Variants in ARHGAP28 observed in about 807,000 individuals in gnomAD.
ARHGAP28 encodes the protein rho GTPase-activating protein 28.
ARHGAP28 carries 56 observed loss-of-function variants against 90.7 expected under a neutral mutation model. The ratio of observed to expected loss-of-function variants is 0.62; its 90% CI spans 0.50 to 0.77. ARHGAP28 has a LOEUF of 0.77. Among genes scored for constraint, ARHGAP28 ranks in the 30% least tolerant of loss-of-function variants. The pLI, the probability that ARHGAP28 is intolerant of heterozygous loss-of-function variation, is 0.00. For synonymous variants in ARHGAP28, 308 were observed against 323.3 expected (o/e 0.95, Z 0.51); for missense variants, 869 against 900.9 (o/e 0.96, Z 0.45).
chr18:6,772,694 TTGACAG>T lies in ARHGAP28; in HGVS notation c.122+42753_122+42758del, dbSNP rs559860914. Among the ~76,000 whole-genome samples the T allele has an allele frequency of 7.9e-5, 12 of 152,280 alleles. No individual in the cohort carries two copies. In the East Asian group the frequency reaches 2.3e-3, roughly 29 times the overall value. The stretch of plus-strand genomic sequence containing the variant: ...TTTATTCAATGCATTTTTGACTTAT[TTGACAG>T]TATTTTCAATTTGTGATGGGTTTTA... On this transcript the variant is annotated intron_variant, in intron 1 of 17. Coordinates refer to ENST00000383472, the MANE Select transcript of ARHGAP28 (RefSeq NM_001366230.1).
chr18:6,842,878 A>C (rs889572661), intron 3 of ARHGAP28, among the ~76,000 whole-genome samples: 1 of 152,194 alleles, frequency 6.6e-6, no homozygotes, highest in Admixed American at 6.5e-5. Flanking sequence ...TGTACCCACA[A>C]AAATTAGAAA....
At position 6,840,384 on chromosome 18, in the gene ARHGAP28, T is replaced by G. The variant is rs147719201; in HGVS notation, c.543+2970T>G. 4.3e-3 allele frequency among the ~76,000 whole-genome samples: 661 copies of G among 152,356 alleles called. 28 individuals carry two copies. The highest frequency in any genetic ancestry group is 0.04 in the Admixed American group (614 of 15,302). ...ATTTACTCAGTGCATTACTAGAGAA[T>G]GCATAACTGTTCTCTTCAGATTTCC... On this transcript the variant is annotated intron_variant, in intron 3 of 17. Coordinates refer to ENST00000383472, the MANE Select transcript of ARHGAP28 (RefSeq NM_001366230.1).
At chr18:6,828,326 CAGAGGGAGACCGTGGAAAGAGAGGG>C (rs1016456442) in intron 2 of ARHGAP28, among the ~76,000 whole-genome samples, 5 of 152,104 alleles carry the variant, frequency 3.3e-5, no homozygotes, top group East Asian at 3.9e-4. Context: ...GGCTCGGCAT[CAGAGGGAGACCGTGGAAAGAGAGGG>C]AGAGGGAGAC....
chr18:6,869,277 T>G (rs1600266101), intron 6 of ARHGAP28, among the ~76,000 whole-genome samples: 1 of 102,624 alleles, frequency 9.7e-6, no homozygotes, highest in African/African-American at 3.8e-5. Flanking sequence ...TTTTTTTTTT[T>G]GAGATGGAGT....
intron 1 of ARHGAP28, among the ~76,000 whole-genome samples, chr18:6,764,315 G>A (rs892654598): frequency 2.0e-5 from 3 of 152,166 alleles, no homozygotes; most frequent in African/African-American, 7.2e-5. Context: ...GACACTACCT[G>A]CCATTAGTCA....
chr18:6,769,340 C>T (rs1358782523), intron 1 of ARHGAP28, among the ~76,000 whole-genome samples: 1 of 152,112 alleles, frequency 6.6e-6, no homozygotes, highest in Non-Finnish European at 1.5e-5. Flanking sequence ...TAAACTATTC[C>T]AAGAAAGTAA....
chr18:6,745,948 A>G (rs1393566613), intron 1 of ARHGAP28, among the ~76,000 whole-genome samples: 1 of 152,064 alleles, frequency 6.6e-6, no homozygotes, highest in Non-Finnish European at 1.5e-5. Flanking sequence ...AGAAAACCGA[A>G]CTCAAGATTC....
chr18:6,886,115 G>A (rs1030830837), intron 11 of ARHGAP28, among the ~76,000 whole-genome samples: 4 of 151,950 alleles, frequency 2.6e-5, no homozygotes, highest in African/African-American at 4.8e-5. Context: ...ACTCTAGCAC[G>A]CACAGCTCCA....
chr18:6,889,854 T>G (rs2057250446), intron 12 of ARHGAP28, 34 bp from the exon 13 acceptor site: 2 of 1,603,402 alleles, frequency 1.2e-6, no homozygotes, highest in Non-Finnish European at 1.7e-6. Flanking sequence ...TTTGACAGTG[T>G]ACAATTGTAT....
intron 1 of ARHGAP28, among the ~76,000 whole-genome samples, chr18:6,756,885 T>C (rs1455273595): frequency 6.6e-6 from 1 of 152,144 alleles, no homozygotes; most frequent in African/African-American, 2.4e-5. Context: ...AGTCCACTGC[T>C]CCCACCTTCT....
At chr18:6,833,335 A>G (rs544911671) in intron 2 of ARHGAP28, among the ~76,000 whole-genome samples, 11 of 152,156 alleles carry the variant, frequency 7.2e-5, no homozygotes, top group African/African-American at 2.2e-4. Context: ...CAGTCCTCAG[A>G]CTGCTATCGT....
At chr18:6,841,383 T>G (rs2056826249) in intron 3 of ARHGAP28, among the ~76,000 whole-genome samples, 1 of 151,778 alleles carries the variant, frequency 6.6e-6, no homozygotes, top group African/African-American at 2.4e-5. Flanking sequence ...ATAATCAGTT[T>G]CATAAGGAGA....
chr18:6,831,488 C>CTTTTTTTTTTTTTTTTTTTTTTTTTTTTT (rs76200243), intron 2 of ARHGAP28, among the ~76,000 whole-genome samples: 1 of 69,620 alleles, frequency 1.4e-5, no homozygotes, highest in African/African-American at 4.8e-5. Context: ...TTTTTTTTTT[C>CTTTTTTTTTTTTTTTTTTTTTTTTTTTTT]TTTTTTTTTT....
intron 15 of ARHGAP28, 112 bp downstream of exon 15, chr18:6,895,003 A>C: frequency 9.4e-7 from 1 of 1,064,138 alleles, no homozygotes; most frequent in Non-Finnish European, 1.4e-6. Flanking sequence ...CAAACTTGAC[A>C]TTTTCAATGT....
intron 3 of ARHGAP28, 77 bp from the exon 4 acceptor site, chr18:6,850,957 T>C: frequency 6.3e-7 from 1 of 1,581,012 alleles, no homozygotes; most frequent in Admixed American, 1.7e-5. Flanking sequence ...AAAACTCTAG[T>C]GTAATGCATG....
chr18:6,858,437 G>C (rs2056971319), intron 4 of ARHGAP28, among the ~76,000 whole-genome samples: 1 of 152,016 alleles, frequency 6.6e-6, no homozygotes, highest in South Asian at 2.1e-4. Flanking sequence ...TTGGTTTCCA[G>C]TGCTATTCAA....
chr18:6,910,311 C>T (rs1760753846), intron 17 of ARHGAP28, among the ~76,000 whole-genome samples: 1 of 152,178 alleles, frequency 6.6e-6, no homozygotes, highest in African/African-American at 2.4e-5. Flanking sequence ...GGTTGGAGAA[C>T]GGTAGGGTTC....
At position 6,842,684 on chromosome 18, in the gene ARHGAP28, A is replaced by G. The variant is rs58564543; in HGVS notation, c.543+5270A>G. Among the ~76,000 whole-genome samples, 768 of 152,248 alleles carry G rather than the reference A, an allele frequency of 5.0e-3. 10 individuals are homozygous for G. Among genetic ancestry groups the G allele is most frequent in the African/African-American group, 0.017 (714 of 41,554 alleles). Reference sequence around the variant, plus strand: ...AAATGACTAGATTGACAGATTGATTAGTATGGTAATGGGAGTTGTATGGTC... The same window carrying G: ...AAATGACTAGATTGACAGATTGATTGGTATGGTAATGGGAGTTGTATGGTC... On this transcript the variant is annotated intron_variant, in intron 3 of 17. Coordinates refer to ENST00000383472, the MANE Select transcript of ARHGAP28 (RefSeq NM_001366230.1).
intron 1 of ARHGAP28, among the ~76,000 whole-genome samples, chr18:6,773,744 A>G (rs766125687): frequency 2.0e-5 from 3 of 152,208 alleles, no homozygotes; most frequent in Non-Finnish European, 4.4e-5. Context: ...TGCAATCACA[A>G]CAGTTATGGT....
Sources: allele counts gnomAD v4.1 joint callset (sites outside exome capture counted in the v4.1 genomes callset), GRCh38; gene constraint gnomAD v4.1.1; transcripts MANE v1.5; gene names NCBI Gene and HGNC (gene_info 2026-07-23, HGNC 2026-07-21).